Variants in PTPRR observed in about 807,000 individuals in gnomAD.
PTPRR encodes protein tyrosine phosphatase receptor type R.
PTPRR carries 38 observed loss-of-function variants against 77.2 expected under a neutral mutation model. The ratio of observed to expected loss-of-function variants is 0.49; its 90% CI spans 0.38 to 0.65. The LOEUF is 0.65. PTPRR is among the 30% of genes least tolerant of loss of function. PTPRR has a pLI of 0.00. For missense variants in PTPRR, 744 were observed against 799.2 expected (o/e 0.93, Z 0.83); for synonymous variants, 299 against 283.1 (o/e 1.06, Z -0.57).
At chr12:70,835,715 G>T (rs934864987) in intron 2 of PTPRR, among the ~76,000 whole-genome samples, 2 of 152,168 alleles carry the variant, frequency 1.3e-5, no homozygotes, top group South Asian at 4.1e-4. Flanking sequence ...TGCTAGAAAA[G>T]TAAAACCTTG....
At chr12:70,854,310 T>C (rs933388318) in intron 2 of PTPRR, among the ~76,000 whole-genome samples, 5 of 152,180 alleles carry the variant, frequency 3.3e-5, no homozygotes, top group Admixed American at 2.0e-4. Flanking sequence ...CAAAGCCAGC[T>C]GTTCCTGCCA....
intron 10 of PTPRR, among the ~76,000 whole-genome samples, chr12:70,678,289 C>T (rs1210919505): frequency 6.6e-6 from 1 of 152,186 alleles, no homozygotes; most frequent in Non-Finnish European, 1.5e-5. Context: ...GATCTGGCTG[C>T]CTCGGCCTGC....
intron 1 of PTPRR, among the ~76,000 whole-genome samples, chr12:70,895,626 C>T (rs1046443523): frequency 2.0e-5 from 3 of 151,476 alleles, no homozygotes; most frequent in Admixed American, 1.3e-4. Context: ...ATCAGAGCTA[C>T]CCGGGACATG....
At chr12:70,714,448 A>G (rs1252929878) in intron 6 of PTPRR, among the ~76,000 whole-genome samples, 1 of 152,218 alleles carries the variant, frequency 6.6e-6, no homozygotes, top group Non-Finnish European at 1.5e-5. Flanking sequence ...AAAGACAAAT[A>G]TAAATTGGAT....
chr12:70,873,560 T>C (rs1009553427), intron 2 of PTPRR, among the ~76,000 whole-genome samples: 3 of 152,194 alleles, frequency 2.0e-5, no homozygotes, highest in Non-Finnish European at 4.4e-5. Flanking sequence ...TTAAGAGAAC[T>C]GAGGGATTTT....
intron 1 of PTPRR, among the ~76,000 whole-genome samples, chr12:70,909,726 G>T (rs1240241850): frequency 6.6e-6 from 1 of 152,158 alleles, no homozygotes; most frequent in African/African-American, 2.4e-5. Context: ...GGAATGTTTT[G>T]GCCTTTGTTG....
chr12:70,896,318 A>C lies in PTPRR; in HGVS notation c.59-3341T>G, dbSNP rs368818021. Among the ~76,000 whole-genome samples, 9 of 151,764 alleles carry C rather than the reference A, an allele frequency of 5.9e-5. No individual in the cohort carries two copies. The East Asian group carries it at 9.7e-4, about 16-fold the overall frequency. ...ACTGTTCCCTCTCAATAGTAAGTAG[A>C]TTGAGGAGAAAGAAAAGAAGCAAAG... On this transcript the variant is annotated intron_variant, in intron 1 of 13. Transcript: ENST00000283228.
At chr12:70,763,910 C>T (rs1183758656) in intron 3 of PTPRR, among the ~76,000 whole-genome samples, 2 of 152,104 alleles carry the variant, frequency 1.3e-5, no homozygotes, top group African/African-American at 4.8e-5. Context: ...GCATGAAATC[C>T]AGGTTCCCAA....
intron 1 of PTPRR, among the ~76,000 whole-genome samples, chr12:70,911,020 G>A (rs1893691590): frequency 6.6e-6 from 1 of 152,206 alleles, no homozygotes; most frequent in Non-Finnish European, 1.5e-5. Flanking sequence ...TCAGCAGCGA[G>A]AAGAGTCCTG....
intron 2 of PTPRR, among the ~76,000 whole-genome samples, chr12:70,884,132 G>A (rs1002484969): frequency 6.6e-6 from 1 of 152,244 alleles, no homozygotes; most frequent in East Asian, 1.9e-4. Context: ...GGGACTTTTA[G>A]CTTTTGTATT....
intron 2 of PTPRR, among the ~76,000 whole-genome samples, chr12:70,783,880 G>T (rs1186904743): frequency 3.8e-5 from 5 of 132,864 alleles, no homozygotes; most frequent in African/African-American, 8.3e-5. Flanking sequence ...GGGGGGCGGG[G>T]GGCGGGGGTT....
Position 70,800,109 on chromosome 12 carries a change from A to G in PTPRR, c.358-35331T>C, listed in dbSNP as rs144678154. 3.2e-4 allele frequency among the ~76,000 whole-genome samples: 49 copies of G among 152,324 alleles called. No homozygotes were observed. In the East Asian group the frequency reaches 8.5e-3, roughly 26 times the overall value. Reference sequence around the variant, plus strand: ...GACTGTAATGAATGTGGGCACATACATTAGTTTGGCTATTTCGCTAAAATA... The same window carrying G: ...GACTGTAATGAATGTGGGCACATACGTTAGTTTGGCTATTTCGCTAAAATA... On this transcript the variant is annotated intron_variant, in intron 2 of 13. Coordinates refer to ENST00000283228, the MANE Select transcript of PTPRR (RefSeq NM_002849.4).
intron 2 of PTPRR, among the ~76,000 whole-genome samples, chr12:70,863,868 T>C (rs1174318118): frequency 6.6e-6 from 1 of 152,170 alleles, no homozygotes; most frequent in Non-Finnish European, 1.5e-5. Context: ...AAACTCTTGG[T>C]TGCCTGTGAT....
At chr12:70,863,614 T>A (rs1366014453) in intron 2 of PTPRR, among the ~76,000 whole-genome samples, 1 of 151,764 alleles carries the variant, frequency 6.6e-6, no homozygotes, top group Non-Finnish European at 1.5e-5. Context: ...CAATTAAATT[T>A]TAATAGTTTT....
chr12:70,709,966 T>C (rs997290730), intron 6 of PTPRR, among the ~76,000 whole-genome samples: 3 of 152,124 alleles, frequency 2.0e-5, no homozygotes, highest in African/African-American at 7.2e-5. Flanking sequence ...TAAGCCAAGT[T>C]TGTAAGAAAT....
intron 2 of PTPRR, among the ~76,000 whole-genome samples, chr12:70,859,641 A>C (rs923935614): frequency 4.6e-5 from 7 of 151,962 alleles, no homozygotes; most frequent in African/African-American, 1.4e-4. Context: ...TTTGAGAAGC[A>C]GGAAAGGAAT....
At chr12:70,811,372 T>C (rs905177089) in intron 2 of PTPRR, among the ~76,000 whole-genome samples, 1 of 152,212 alleles carries the variant, frequency 6.6e-6, no homozygotes, top group African/African-American at 2.4e-5. Flanking sequence ...ACAGACATGA[T>C]ATTTGTAGTC....
At position 70,806,553 on chromosome 12, in the gene PTPRR, C is replaced by T. The variant is rs138486145; in HGVS notation, c.358-41775G>A. 3.3e-5 allele frequency among the ~76,000 whole-genome samples: 5 copies of T among 152,208 alleles called. No individual in the cohort carries two copies. In the East Asian group the frequency reaches 9.7e-4, roughly 29 times the overall value. Reference sequence around the variant, plus strand: ...CCATTTGTCAAAGCAATAAAGGTCCCCTATGAATGAACCTCAAAATCTGTT... The same window carrying T: ...CCATTTGTCAAAGCAATAAAGGTCCTCTATGAATGAACCTCAAAATCTGTT... On this transcript the variant is annotated intron_variant, in intron 2 of 13. Coordinates refer to ENST00000283228, the MANE Select transcript of PTPRR (RefSeq NM_002849.4).
chr12:70,704,390 C>A (rs1380472691), intron 6 of PTPRR, among the ~76,000 whole-genome samples: 2 of 151,680 alleles, frequency 1.3e-5, no homozygotes, highest in African/African-American at 4.8e-5. Context: ...TGTCGTACTC[C>A]AGGTTGGGTG....
Sources: gnomAD v4.1 joint callset for allele counts (sites outside exome capture counted in the v4.1 genomes callset) on GRCh38, gnomAD v4.1.1 for gene constraint, MANE v1.5 for transcripts, NCBI Gene and HGNC (gene_info 2026-07-23, HGNC 2026-07-21) for gene names.